Variants in LOC114841035 observed in about 807,000 individuals in gnomAD.
chr11:64,243,594 A>AT, the LOC114841035 span: 1 of 1,448,634 alleles, frequency 6.9e-7, no homozygotes. Flanking sequence ...CACCGTATCC[A>AT]TTCATTACAA....
the LOC114841035 span, chr11:64,243,517 G>A: frequency 1.9e-6 from 3 of 1,613,038 alleles, no homozygotes; most frequent in Non-Finnish European, 2.5e-6. Context: ...CCCTCCTGAG[G>A]GTGCAGAGCG....
At chr11:64,243,714 C>A in the LOC114841035 span, 2 of 1,366,854 alleles carry the variant, frequency 1.5e-6, no homozygotes, top group African/African-American at 1.4e-5. Context: ...TTTGGCACCC[C>A]CTTCCCATCT....
chr11:64,243,109 TG>T, the LOC114841035 span: 22 of 1,100,826 alleles, frequency 2.0e-5, no homozygotes, highest in South Asian at 9.0e-5. Flanking sequence ...TGGGTGGGCG[TG>T]GGGGGGCAGC....
At chr11:64,243,255 T>C in the LOC114841035 span, 1 of 1,613,136 alleles carries the variant, frequency 6.2e-7, no homozygotes, top group Non-Finnish European at 8.5e-7. Context: ...ACCAGCCCTT[T>C]GTCTTCTCCC....
At chr11:64,243,242 A>G in the LOC114841035 span, 2 of 1,613,664 alleles carry the variant, frequency 1.2e-6, no homozygotes, top group Non-Finnish European at 1.7e-6. Context: ...AGCCTGCCCC[A>G]GAACCAGCCC....
chr11:64,243,360 G>A, the LOC114841035 span: 15 of 1,600,558 alleles, frequency 9.4e-6, no homozygotes, highest in African/African-American at 2.7e-5. Context: ...CATGGCCACC[G>A]CCCAGGAGGT....
At chr11:64,243,136 G>C in the LOC114841035 span, 1 of 1,465,872 alleles carries the variant, frequency 6.8e-7, no homozygotes, top group Non-Finnish European at 9.5e-7. Context: ...GGGGAAAGCA[G>C]CTGAGGGAGG....
chr11:64,242,034 C>A, the LOC114841035 span: 1 of 191,692 alleles, frequency 5.2e-6, no homozygotes. Flanking sequence ...GCAGTGCAGC[C>A]AGATAGGGTC....
chr11:64,243,955 T>G, the LOC114841035 span: 5 of 1,614,028 alleles, frequency 3.1e-6, no homozygotes. Flanking sequence ...TTGACTCCCC[T>G]TCTCCCCTAC....
At chr11:64,242,793 C>T in the LOC114841035 span, among the ~76,000 whole-genome samples, 2 of 152,196 alleles carry the variant, frequency 1.3e-5, no homozygotes, top group African/African-American at 4.8e-5. Context: ...GAACTATGAC[C>T]AGCTGGGCGC....
At chr11:64,244,049 G>T in the LOC114841035 span, 1 of 1,613,276 alleles carries the variant, frequency 6.2e-7, no homozygotes, top group Non-Finnish European at 8.5e-7. Flanking sequence ...GGAGGGGCAG[G>T]GGGAGAGGCC....
chr11:64,242,438 C>A, the LOC114841035 span: 1 of 1,550,544 alleles, frequency 6.4e-7, no homozygotes, highest in Non-Finnish European at 8.7e-7. Context: ...TCTGCCTGAG[C>A]GCCGTGGCCA....
chr11:64,242,665 C>A, the LOC114841035 span: 1 of 1,210,916 alleles, frequency 8.3e-7, no homozygotes, highest in Non-Finnish European at 1.1e-6. Context: ...TTGGGCAAGT[C>A]CCCTCTCGCC....
At chr11:64,242,369 G>A in the LOC114841035 span, 3 of 1,499,820 alleles carry the variant, frequency 2.0e-6, no homozygotes, top group Non-Finnish European at 2.7e-6. Context: ...GGTCGGTCGG[G>A]GTCTGTGCCC....
At chr11:64,243,550 A>C in the LOC114841035 span, 2 of 1,599,888 alleles carry the variant, frequency 1.3e-6, no homozygotes, top group Non-Finnish European at 1.7e-6. Context: ...GTGACTGGGA[A>C]GGGTGAAAGC....
At chr11:64,242,447 C>G in the LOC114841035 span, 2 of 1,550,352 alleles carry the variant, frequency 1.3e-6, no homozygotes, top group Non-Finnish European at 1.7e-6. Flanking sequence ...GCGCCGTGGC[C>G]ACGGCCACGG....
the LOC114841035 span, chr11:64,242,652 ACCTTGGGCAAGTCCCCTCTCG>A: frequency 7.3e-7 from 1 of 1,367,726 alleles, no homozygotes; most frequent in Non-Finnish European, 9.7e-7. Context: ...CAGGTAGGTG[ACCTTGGGCAAGTCCCCTCTCG>A]CCTCTAAGCC....
chr11:64,242,514 C>G, the LOC114841035 span: 5 of 1,553,310 alleles, frequency 3.2e-6, no homozygotes, highest in Non-Finnish European at 4.3e-6. Flanking sequence ...GGACCACTGT[C>G]CCATCAAATC....
chr11:64,242,213 GGTA>G, the LOC114841035 span: 1 of 585,280 alleles, frequency 1.7e-6, no homozygotes, highest in East Asian at 3.5e-5. Context: ...TCACTGGACT[GGTA>G]AGTGTGGCCC....
Sources: allele counts gnomAD v4.1 joint callset (sites outside exome capture counted in the v4.1 genomes callset), GRCh38; gene constraint gnomAD v4.1.1; transcripts MANE v1.5.